Variants in SCAMP1 observed in about 807,000 individuals in gnomAD.
SCAMP1 encodes secretory carrier membrane protein 1.
In SCAMP1, 15 loss-of-function variants were observed where a neutral mutation model predicts 41.8. That is an observed-to-expected ratio of 0.36 (90% CI 0.24 to 0.55). The LOEUF (loss-of-function observed/expected upper bound fraction) is 0.55, where lower values mean the gene tolerates loss of function less well. Among genes scored for constraint, SCAMP1 ranks in the 20% least tolerant of loss-of-function variants. SCAMP1 has a pLI of 0.86. For missense variants in SCAMP1, 341 were observed against 412.6 expected, an observed-to-expected ratio of 0.83 and a Z score of 1.50; for synonymous variants, 135 against 136.8, an observed-to-expected ratio of 0.99 and a Z score of 0.09.
Position 78,479,884 on chromosome 5 carries a change from T to C in SCAMP1, c.*4216T>C, listed in dbSNP as rs183000382. 1.9e-3 allele frequency among the ~76,000 whole-genome samples: 282 copies of C among 147,972 alleles called. 1 individual carries two copies. The highest frequency in any genetic ancestry group is 2.9e-3 in the Non-Finnish European group (196 of 67,634). ...GGTGAAACCCCATCTCTACTAAAAA[T>C]ACAAAAAAAAAATTAGCTGAGCATG... On this transcript the variant is annotated 3_prime_UTR_variant, in exon 9 of 9. Coordinates refer to ENST00000621999, the MANE Select transcript of SCAMP1 (RefSeq NM_004866.6).
chr5:78,472,012 AAAGAT>A (rs1217462409), intron 8 of SCAMP1, among the ~76,000 whole-genome samples: 1 of 152,078 alleles, frequency 6.6e-6, no homozygotes, highest in Non-Finnish European at 1.5e-5. Context: ...CATAAGTAGA[AAAGAT>A]AGTATTTAAG....
chr5:78,363,197 G>A (rs1750704354), intron 1 of SCAMP1, among the ~76,000 whole-genome samples: 1 of 144,358 alleles, frequency 6.9e-6, no homozygotes, highest in Non-Finnish European at 1.5e-5. Flanking sequence ...CAAGCAGATC[G>A]TTTTTCTTTC....
chr5:78,407,071 C>T (rs1181751825), intron 2 of SCAMP1, among the ~76,000 whole-genome samples: 4 of 152,110 alleles, frequency 2.6e-5, no homozygotes, highest in South Asian at 2.1e-4. Context: ...TTTTCCCTGC[C>T]AATAGGTTGG....
chr5:78,434,315 TTTGAG>T (rs1279274700), intron 6 of SCAMP1, among the ~76,000 whole-genome samples: 15 of 152,308 alleles, frequency 9.8e-5, no homozygotes, highest in African/African-American at 3.6e-4. Flanking sequence ...TTTATCTCTC[TTTGAG>T]TTATTTTTGG....
At chr5:78,466,205 T>C (rs1178154087) in intron 8 of SCAMP1, among the ~76,000 whole-genome samples, 2 of 152,272 alleles carry the variant, frequency 1.3e-5, no homozygotes, top group African/African-American at 2.4e-5. Flanking sequence ...ACAGCTGTTA[T>C]TGAGCATATA....
In SCAMP1 at chr5:78,475,925, C is replaced by T. The variant is rs1753992836; in HGVS notation, c.*257C>T. 4.6e-6 allele frequency: 1 copy of T among 215,078 alleles called. No individual in the cohort carries two copies. The highest frequency in any genetic ancestry group is 2.3e-5 in the African/African-American group (1 of 43,816). The allele number at this position is 215,078 out of a possible 1,614,324, so 13.3% of individuals were successfully genotyped here. A position where few individuals can be genotyped will look rare whatever the true frequency, so the allele number is the denominator to read the frequency against. On this transcript the variant is annotated 3_prime_UTR_variant, in exon 9 of 9. Coordinates refer to ENST00000621999, the MANE Select transcript of SCAMP1 (RefSeq NM_004866.6). ...CTCCATATTTTTGGGGGATGACATT[C>T]AGTGAATTATTTCAGTGGTGACCCA...
At chr5:78,441,242 G>C (rs1478605763) in intron 6 of SCAMP1, among the ~76,000 whole-genome samples, 2 of 152,316 alleles carry the variant, frequency 1.3e-5, no homozygotes, top group Admixed American at 1.3e-4. Context: ...GATGAACCAG[G>C]TACATCAGTT....
chr5:78,385,504 C>T (rs531078927), intron 1 of SCAMP1, among the ~76,000 whole-genome samples: 137 of 151,956 alleles, frequency 9.0e-4, no homozygotes, highest in African/African-American at 3.2e-3. Flanking sequence ...TTGGTTTGTT[C>T]TTGTTTCTCT....
At position 78,451,894 on chromosome 5, in the gene SCAMP1, A is replaced by T. The variant is rs180752870; in HGVS notation, c.734+1860A>T. Among the ~76,000 whole-genome samples the T allele has an allele frequency of 2.0e-3, 308 of 152,280 alleles. 1 individual carries two copies. The highest frequency in any genetic ancestry group is 6.9e-3 in the African/African-American group (286 of 41,558). Reference sequence around the variant, plus strand: ...GGTCTTGAAGTCCTGGCCTCGTGTGATCTGCCCGCCTCAGCCTTCCATAAT... The same window carrying T: ...GGTCTTGAAGTCCTGGCCTCGTGTGTTCTGCCCGCCTCAGCCTTCCATAAT... On this transcript the variant is annotated intron_variant, in intron 7 of 8. Coordinates refer to ENST00000621999, the MANE Select transcript of SCAMP1 (RefSeq NM_004866.6).
intron 1 of SCAMP1, among the ~76,000 whole-genome samples, chr5:78,364,401 T>C (rs1231092563): frequency 6.6e-6 from 1 of 152,230 alleles, no homozygotes; most frequent in Non-Finnish European, 1.5e-5. Flanking sequence ...TTAAATTAAT[T>C]TTTAAAATAT....
At chr5:78,454,159 T>C (rs1753319506) in intron 7 of SCAMP1, among the ~76,000 whole-genome samples, 1 of 152,000 alleles carries the variant, frequency 6.6e-6, no homozygotes, top group South Asian at 2.1e-4. Context: ...CTTTTCCTAA[T>C]TGAATGCCCT....
At chr5:78,377,213 GCT>G (rs1367353221) in intron 1 of SCAMP1, among the ~76,000 whole-genome samples, 2 of 152,104 alleles carry the variant, frequency 1.3e-5, no homozygotes, top group Non-Finnish European at 2.9e-5. Flanking sequence ...ATATTTATTG[GCT>G]CTGTTTTTGC....
At chr5:78,433,757 A>C (rs1038633633) in intron 6 of SCAMP1, among the ~76,000 whole-genome samples, 1 of 152,074 alleles carries the variant, frequency 6.6e-6, no homozygotes, top group African/African-American at 2.4e-5. Context: ...TACTTGGAGC[A>C]TGGTGGGCAT....
intron 6 of SCAMP1, among the ~76,000 whole-genome samples, chr5:78,428,981 C>A (rs1752532596): frequency 6.6e-6 from 1 of 152,106 alleles, no homozygotes; most frequent in South Asian, 2.1e-4. Flanking sequence ...TGCTAACCTC[C>A]TTCACTAATT....
chr5:78,428,511 TTG>T (rs756833006), intron 6 of SCAMP1, among the ~76,000 whole-genome samples: 3 of 152,194 alleles, frequency 2.0e-5, no homozygotes, highest in Non-Finnish European at 2.9e-5. Flanking sequence ...TATGCCTTTC[TTG>T]ACTAATGTTA....
intron 8 of SCAMP1, among the ~76,000 whole-genome samples, chr5:78,473,202 A>G (rs1753927151): frequency 6.6e-6 from 1 of 152,160 alleles, no homozygotes. Flanking sequence ...CTTCCTGACC[A>G]TTTGACACTT....
intron 8 of SCAMP1, among the ~76,000 whole-genome samples, chr5:78,462,196 A>AGTGTGTGTGTGTGTGT (rs58331355): frequency 1.4e-5 from 2 of 147,896 alleles, no homozygotes; most frequent in African/African-American, 4.9e-5. Flanking sequence ...TGTGTGTAGG[A>AGTGTGTGTGTGTGTGT]GTGTGTGTGT....
chr5:78,449,000 C>CAA (rs370076536), intron 6 of SCAMP1, among the ~76,000 whole-genome samples: 62,819 of 135,926 alleles, frequency 0.46, 14,410 homozygotes, highest in Non-Finnish European at 0.52. Flanking sequence ...AACTCCGTCT[C>CAA]AAAAAAAAAA....
chr5:78,360,825 C>A (rs1750624424), intron 1 of SCAMP1, 97 bp downstream of exon 1: 1 of 1,262,864 alleles, frequency 7.9e-7, no homozygotes, highest in Non-Finnish European at 1.1e-6. Flanking sequence ...CCCCTCGGCT[C>A]CCCTTAGCAG....
Sources: allele counts gnomAD v4.1 joint callset (sites outside exome capture counted in the v4.1 genomes callset), GRCh38; gene constraint gnomAD v4.1.1; transcripts MANE v1.5; gene names NCBI Gene and HGNC (gene_info 2026-07-23, HGNC 2026-07-21).